SGCZ: variants seen among roughly 807,000 people sequenced by gnomAD.
SGCZ encodes the protein sarcoglycan zeta.
In SGCZ, 40 loss-of-function variants were observed where a neutral mutation model predicts 41.3. The observed-to-expected ratio is 0.97, with a 90% CI of 0.75 to 1.26. The LOEUF (loss-of-function observed/expected upper bound fraction) is 1.26, where lower values mean the gene tolerates loss of function less well. Ranked by LOEUF, SGCZ falls within the 50% of genes most tolerant of loss-of-function variation. SGCZ has a pLI of 0.00. For missense variants in SGCZ, 552 were observed against 369.8 expected, an observed-to-expected ratio of 1.49 and a Z score of -4.04; for synonymous variants, 206 against 137.5, an observed-to-expected ratio of 1.50 and a Z score of -3.49.
intron 2 of SGCZ, among the ~76,000 whole-genome samples, chr8:14,407,547 G>A (rs1393826763): frequency 6.6e-6 from 1 of 151,986 alleles, no homozygotes; most frequent in African/African-American, 2.4e-5. Context: ...AATAACATTA[G>A]ATGATAAATA....
At chr8:14,590,999 A>G (rs1051041143) in intron 1 of SGCZ, among the ~76,000 whole-genome samples, 17 of 151,066 alleles carry the variant, frequency 1.1e-4, no homozygotes, top group African/African-American at 4.1e-4. Flanking sequence ...CACTTTTCAC[A>G]AATATTATGC....
chr8:15,029,889 G>A (rs1050996531), intron 1 of SGCZ, among the ~76,000 whole-genome samples: 2 of 152,112 alleles, frequency 1.3e-5, no homozygotes, highest in African/African-American at 4.8e-5. Flanking sequence ...AATCCTTTGT[G>A]TAGTCTCTTT....
intron 1 of SGCZ, among the ~76,000 whole-genome samples, chr8:14,864,257 A>G (rs555257203): frequency 1.5e-4 from 23 of 151,978 alleles, no homozygotes; most frequent in African/African-American, 4.3e-4. Context: ...TTTTTTTTCT[A>G]TTTCATCCTG....
chr8:14,197,602 T>G (rs909474643), intron 4 of SGCZ, among the ~76,000 whole-genome samples: 1 of 151,996 alleles, frequency 6.6e-6, no homozygotes, highest in Non-Finnish European at 1.5e-5. Context: ...TCTGTCAAAA[T>G]TCAAATTACA....
intron 1 of SGCZ, among the ~76,000 whole-genome samples, chr8:14,722,500 T>C (rs1445096234): frequency 2.6e-5 from 4 of 152,234 alleles, no homozygotes; most frequent in South Asian, 2.1e-4. Flanking sequence ...TATGTTGACA[T>C]ACTTTTATGT....
At chr8:14,093,946 G>C (rs940263976) in intron 7 of SGCZ, among the ~76,000 whole-genome samples, 3 of 151,852 alleles carry the variant, frequency 2.0e-5, no homozygotes, top group Admixed American at 2.0e-4. Context: ...ATGAGGATAG[G>C]GCCTGTCTTT....
chr8:15,107,756 G>A (rs1000876398), intron 1 of SGCZ, among the ~76,000 whole-genome samples: 5 of 152,170 alleles, frequency 3.3e-5, no homozygotes, highest in African/African-American at 4.8e-5. Flanking sequence ...TGTTTGTAGA[G>A]AGTTCACTTC....
chr8:14,517,485 A>T (rs12678069), intron 2 of SGCZ, among the ~76,000 whole-genome samples: 9,351 of 152,164 alleles, frequency 0.061, 452 homozygotes, highest in African/African-American at 0.13. Context: ...AGGTAGAGTC[A>T]TTTTAACAAA....
chr8:14,237,298 A>C (rs1806797506), intron 4 of SGCZ, among the ~76,000 whole-genome samples: 1 of 152,148 alleles, frequency 6.6e-6, no homozygotes, highest in African/African-American at 2.4e-5. Context: ...AAGTCAAATC[A>C]TGTGCAAGAA....
At chr8:14,336,408 C>A (rs1362608483) in intron 2 of SGCZ, among the ~76,000 whole-genome samples, 1 of 152,074 alleles carries the variant, frequency 6.6e-6, no homozygotes, top group Non-Finnish European at 1.5e-5. Flanking sequence ...CATACATGTG[C>A]ATGTGTCTTT....
chr8:15,212,853 T>G (rs1801278095), intron 1 of SGCZ, among the ~76,000 whole-genome samples: 1 of 152,080 alleles, frequency 6.6e-6, no homozygotes, highest in Non-Finnish European at 1.5e-5. Context: ...TTCAACATCA[T>G]TACTTTAAAA....
chr8:15,178,646 G>A (rs1800070028), intron 1 of SGCZ, among the ~76,000 whole-genome samples: 1 of 152,136 alleles, frequency 6.6e-6, no homozygotes, highest in South Asian at 2.1e-4. Context: ...TGTACCCATT[G>A]ATTGCCAGTT....
intron 3 of SGCZ, among the ~76,000 whole-genome samples, chr8:14,318,294 C>G (rs1275149304): frequency 6.6e-6 from 1 of 151,836 alleles, no homozygotes; most frequent in African/African-American, 2.4e-5. Context: ...CTACCTAATA[C>G]TATACATCAA....
intron 2 of SGCZ, among the ~76,000 whole-genome samples, chr8:14,413,084 T>TA (rs1273276782): frequency 4.6e-5 from 7 of 151,998 alleles, no homozygotes; most frequent in Non-Finnish European, 8.8e-5. Flanking sequence ...ATCAATGCAT[T>TA]AAAAAAATTG....
At chr8:14,598,951 T>C (rs1805500796) in intron 1 of SGCZ, among the ~76,000 whole-genome samples, 2 of 152,182 alleles carry the variant, frequency 1.3e-5, no homozygotes, top group Non-Finnish European at 2.9e-5. Context: ...TTTTTATTTT[T>C]CTTCATCAGA....
At chr8:14,341,981 A>G (rs1265500990) in intron 2 of SGCZ, among the ~76,000 whole-genome samples, 1 of 152,204 alleles carries the variant, frequency 6.6e-6, no homozygotes, top group East Asian at 1.9e-4. Flanking sequence ...GTTGTTGAAA[A>G]GATACCCTAA....
intron 1 of SGCZ, among the ~76,000 whole-genome samples, chr8:14,899,318 C>T (rs1482793932): frequency 6.6e-6 from 1 of 152,170 alleles, no homozygotes; most frequent in East Asian, 1.9e-4. Flanking sequence ...TCCCTCTCTT[C>T]TTCCATCTGT....
intron 1 of SGCZ, among the ~76,000 whole-genome samples, chr8:15,098,968 G>T (rs937833928): frequency 6.6e-6 from 1 of 152,186 alleles, no homozygotes; most frequent in Non-Finnish European, 1.5e-5. Context: ...TAAGGCAGGA[G>T]AATCACTTGA....
chr8:14,654,504 C>A (rs1057100210), intron 1 of SGCZ, among the ~76,000 whole-genome samples: 2 of 152,114 alleles, frequency 1.3e-5, no homozygotes, highest in African/African-American at 4.8e-5. Flanking sequence ...CAATATGTAG[C>A]AAGCACTCAA....
Sources: allele counts gnomAD v4.1 joint callset (sites outside exome capture counted in the v4.1 genomes callset), GRCh38; gene constraint gnomAD v4.1.1; transcripts MANE v1.5; gene names NCBI Gene and HGNC (gene_info 2026-07-23, HGNC 2026-07-21).